P2RX4: variants seen among roughly 807,000 people sequenced by gnomAD.
P2RX4 encodes purinergic receptor P2X 4, also known as P2X purinoceptor 4.
In P2RX4, 37 loss-of-function variants were observed where a neutral mutation model predicts 48.0. The observed-to-expected ratio is 0.77, with a 90% confidence interval of 0.59 to 1.01. P2RX4 has a LOEUF of 1.01. P2RX4 is among the 50% of genes least tolerant of loss of function. The pLI is 0.00. For synonymous variants in P2RX4, 200 were observed against 199.7 expected (o/e 1.00, Z -0.01); for missense variants, 501 against 521.4 (o/e 0.96, Z 0.38).
Position 121,228,980 on chromosome 12 carries a change from C to T in P2RX4, c.765C>T (p.Ile255=). 1 of 1,614,116 alleles carries T rather than the reference C, an allele frequency of 6.2e-7. No homozygotes were observed. The highest frequency in any genetic ancestry group is 1.1e-5 in the South Asian group (1 of 91,090). Residue 255 remains isoleucine (I), a synonymous_variant, in exon 8 of 12, where the codon ATC becomes ATT. Transcript: ENST00000337233. ...DMAVEGGIMG[I]QVNWDCNLDR... ...ATCCCCAGGGAGGCATCATGGGCAT[C>T]CAGGTCAACTGGGACTGCAACCTGG... is the stretch of plus-strand genomic sequence containing the variant.
In P2RX4 at chr12:121,222,935, T is replaced by C; in HGVS notation, c.428-12T>C. On this transcript the variant is annotated splice_polypyrimidine_tract_variant and intron_variant, in intron 4 of 11. Transcript: ENST00000337233. ...TGGACATGGGACCCCCCTGCCACCC[T>C]TGTGCTTGTAGGAGTCTCAACAGGC... The C allele has an allele frequency of 6.3e-7, 1 of 1,595,776 alleles. No individual in the cohort carries two copies. Among genetic ancestry groups the C allele is most frequent in the African/African-American group, 1.3e-5 (1 of 74,734 alleles).
At chr12:121,223,275 C>T in intron 5 of P2RX4, 1 of 476,366 alleles carries the variant, frequency 2.1e-6, no homozygotes, top group Non-Finnish European at 3.9e-6. Context: ...GGGGTTTTGC[C>T]ATGTTGGCCA....
intron 2 of P2RX4, among the ~76,000 whole-genome samples, chr12:121,221,567 T>A (rs982234520): frequency 6.6e-6 from 1 of 151,826 alleles, no homozygotes; most frequent in Non-Finnish European, 1.5e-5. Flanking sequence ...CTAATTTTTG[T>A]ATTTTTAGTA....
In P2RX4 at chr12:121,233,068, T is replaced by C. The variant is rs971589278; in HGVS notation, c.1116T>C (p.Tyr372=). 2 of 1,612,322 alleles carry C rather than the reference T, an allele frequency of 1.2e-6. No individual in the cohort carries two copies. Among genetic ancestry groups the C allele is most frequent in the Non-Finnish European group, 1.7e-6 (2 of 1,178,572 alleles). Residue 372 remains tyrosine (Y), a synonymous_variant, in exon 11 of 12, where the codon TAT becomes TAC. Transcript: ENST00000337233. ...KKRLYYREKK[Y]KYVEDYEQGL... ...GACTCTACTATCGGGAGAAGAAATA[T>C]AAATATGTGGAAGATTACGAGCAGG...
chr12:121,229,203 A>C lies in P2RX4; in HGVS notation c.884+104A>C. 1 of 1,393,416 alleles carries C rather than the reference A, an allele frequency of 7.2e-7. No individual in the cohort carries two copies. Among genetic ancestry groups the C allele is most frequent in the Non-Finnish European group, 1.0e-6 (1 of 989,812 alleles). 86.3% of individuals were successfully genotyped at this position (1,393,416 alleles called of 1,614,324 possible). On this transcript the variant is annotated intron_variant, in intron 8 of 11. Coordinates refer to ENST00000337233, the MANE Select transcript of P2RX4 (RefSeq NM_002560.3). The surrounding 1 kb of genome is among the most constrained non-coding windows in gnomAD (Gnocchi z 4.6). ...AAGACCAGCACTCAGGCAGCACCCCAAGGGCAGGCTGCCGGTCCCCCGTCC... is the reference window on the plus strand; with the variant it reads ...AAGACCAGCACTCAGGCAGCACCCCCAGGGCAGGCTGCCGGTCCCCCGTCC...
At position 121,228,604 on chromosome 12, in the gene P2RX4, A is replaced by G; in HGVS notation, c.596A>G (p.Asn199Ser). Residue 199 changes from asparagine (N) to serine (S), a missense_variant, in exon 6 of 12, where the codon AAT (asparagine) becomes AGT (serine). Physicochemically the swap from Asn to Ser is conservative, Grantham distance 46. This residue lies in a region of P2RX4 where 295 missense variants were observed against 275.3 expected (regional missense o/e 1.07). Transcript: ENST00000337233. ...AACAACATCTGGTATCCCAAATTTAATTTCAGCAAGTAAGTGGTGGCCAGG... is the reference window on the plus strand; with the variant it reads ...AACAACATCTGGTATCCCAAATTTAGTTTCAGCAAGTAAGTGGTGGCCAGG... Reference protein sequence around the residue: ...VKNNIWYPKFNFSKRNILPNI... With the variant: ...VKNNIWYPKFSFSKRNILPNI... 6.2e-7 allele frequency: 1 copy of G among 1,613,656 alleles called. No individual in the cohort carries two copies. The highest frequency in any genetic ancestry group is 8.5e-7 in the Non-Finnish European group (1 of 1,179,894).
chr12:121,216,256 T>A (rs1446906761), intron 1 of P2RX4: 2 of 152,354 alleles, frequency 1.3e-5, no homozygotes, highest in African/African-American at 4.8e-5. Context: ...GAGAAGAGGC[T>A]TCAGATGCTT....
At position 121,222,964 on chromosome 12, in the gene P2RX4, T is replaced by C; in HGVS notation, c.445T>C (p.Cys149Arg). 6.2e-7 allele frequency: 1 copy of C among 1,613,040 alleles called. No individual in the cohort carries two copies. Among genetic ancestry groups the C allele is most frequent in the Non-Finnish European group, 8.5e-7 (1 of 1,179,106 alleles). ...GCTTGTAGGAGTCTCAACAGGCAGGTGCGTAGCTTTCAACGGGTCTGTCAA... is the reference window on the plus strand; with the variant it reads ...GCTTGTAGGAGTCTCAACAGGCAGGCGCGTAGCTTTCAACGGGTCTGTCAA... ...THSNGVSTGRCVAFNGSVKTC... is the reference protein window; with the variant it reads ...THSNGVSTGRRVAFNGSVKTC... The change falls in exon 5 of 12, where the codon TGC becomes CGC. Residue 149 changes from cysteine to arginine, a missense_variant. Cys to Arg is a radical substitution (Grantham distance 180). Transcript: ENST00000337233.
chr12:121,230,985 T>A (rs867420423), intron 8 of P2RX4, among the ~76,000 whole-genome samples: 4,016 of 127,054 alleles, frequency 0.032, 155 homozygotes, highest in African/African-American at 0.084. Context: ...TATATATATT[T>A]TTTTTTTTTT....
intron 5 of P2RX4, among the ~76,000 whole-genome samples, chr12:121,225,072 AT>A (rs34333143): frequency 0.021 from 2,795 of 133,720 alleles, 65 homozygotes; most frequent in African/African-American, 0.064. Flanking sequence ...ATCAAATTGG[AT>A]TTTTTTTTTT....
chr12:121,230,988 T>A (rs1234283724), intron 8 of P2RX4, among the ~76,000 whole-genome samples: 2,528 of 130,970 alleles, frequency 0.019, 41 homozygotes, highest in South Asian at 0.065. Flanking sequence ...ATATATTTTT[T>A]TTTTTTTCTT....
intron 8 of P2RX4, among the ~76,000 whole-genome samples, chr12:121,231,664 C>T (rs961239705): frequency 6.6e-6 from 1 of 152,096 alleles, no homozygotes; most frequent in African/African-American, 2.4e-5. Flanking sequence ...TGACAGACGA[C>T]GTTTTGTTCA....
intron 1 of P2RX4, chr12:121,216,843 C>T: frequency 3.1e-6 from 2 of 637,952 alleles, no homozygotes; most frequent in Non-Finnish European, 5.6e-6. Context: ...AGAGAAAATG[C>T]TCAAATGTAA....
chr12:121,228,367 C>CA (rs1178066693), intron 5 of P2RX4, among the ~76,000 whole-genome samples, 166 bp from the exon 6 acceptor site: 1,883 of 80,972 alleles, frequency 0.023, 47 homozygotes, highest in African/African-American at 0.045. Flanking sequence ...GACTCCATCT[C>CA]AAAAAAAAAA....
intron 1 of P2RX4, 93 bp from the exon 2 acceptor site, chr12:121,217,041 C>A: frequency 8.0e-7 from 1 of 1,254,678 alleles, no homozygotes; most frequent in Non-Finnish European, 1.2e-6. Flanking sequence ...TAGTCAACAT[C>A]GTACTTCCAG....
chr12:121,233,710 G>A lies in P2RX4; in HGVS notation c.*161G>A. 1 of 1,491,752 alleles carries A rather than the reference G, an allele frequency of 6.7e-7. No homozygotes were observed. Among genetic ancestry groups the A allele is most frequent in the South Asian group, 1.3e-5 (1 of 76,968 alleles). 92.4% of individuals were successfully genotyped at this position (1,491,752 alleles called of 1,614,324 possible). The stretch of plus-strand genomic sequence containing the variant: ...CCCCAGCAGCTCCTGTGTGTTGTGT[G>A]CAGGATCTGTTTGCCCACTCGGCCC... On this transcript the variant is annotated 3_prime_UTR_variant, in exon 12 of 12. Transcript: ENST00000337233.
At chr12:121,230,957 A>C (rs1291360643) in intron 8 of P2RX4, among the ~76,000 whole-genome samples, 3 of 144,362 alleles carry the variant, frequency 2.1e-5, no homozygotes, top group South Asian at 2.2e-4. Flanking sequence ...TATAGCCATT[A>C]TATATATAGC....
chr12:121,227,529 C>G (rs1028791079), intron 5 of P2RX4, among the ~76,000 whole-genome samples: 2 of 152,214 alleles, frequency 1.3e-5, no homozygotes, highest in African/African-American at 4.8e-5. Flanking sequence ...AGCCTTCATT[C>G]TCTCCCTGGA....
intron 1 of P2RX4, among the ~76,000 whole-genome samples, chr12:121,211,957 G>T (rs1208725568): frequency 6.6e-6 from 1 of 152,190 alleles, no homozygotes; most frequent in African/African-American, 2.4e-5. Context: ...TTACAGGCGT[G>T]AGCCACCGCG....
Sources: gnomAD v4.1 joint callset for allele counts (sites outside exome capture counted in the v4.1 genomes callset) on GRCh38, gnomAD v4.1.1 for gene constraint, gnomAD v4.1.1 regional missense constraint, Gnocchi (gnomAD v3.1) non-coding constraint, MANE v1.5 for transcripts, NCBI Gene and HGNC (gene_info 2026-07-23, HGNC 2026-07-21) for gene names.